The following MORC4 variants were observed in gnomAD, a reference collection of about 807,000 sequenced individuals.
MORC4 encodes MORC family CW-type zinc finger 4.
A neutral mutation model predicts 65.5 loss-of-function variants in MORC4; 22 were observed. The ratio of observed to expected loss-of-function variants is 0.34; its 90% CI spans 0.24 to 0.48. The LOEUF is 0.48. MORC4 is among the 20% of genes least tolerant of loss of function. MORC4 has a pLI of 0.99. For synonymous variants in MORC4, 267 were observed against 255.8 expected, an observed-to-expected ratio of 1.04 and a Z score of -0.42; for missense variants, 624 against 703.0, an observed-to-expected ratio of 0.89 and a Z score of 1.27.
chrX:106,991,887 GGAGT>G (rs779426558), intron 3 of MORC4, among the ~76,000 whole-genome samples: 93 of 111,558 alleles, frequency 8.3e-4, no homozygotes, highest in African/African-American at 2.9e-3. Flanking sequence ...CCTGGGTGAT[GGAGT>G]GAGACTCTGT....
intron 9 of MORC4, among the ~76,000 whole-genome samples, chrX:106,976,277 C>T (rs138685992): frequency 0.031 from 3,440 of 111,361 alleles, 137 homozygotes; most frequent in African/African-American, 0.11. Context: ...ACTTCAGATC[C>T]ATTCATCTGT....
intron 2 of MORC4, among the ~76,000 whole-genome samples, chrX:106,997,044 G>A (rs1935092758): frequency 8.9e-6 from 1 of 111,918 alleles, no homozygotes; most frequent in Admixed American, 9.4e-5. Context: ...ATTGCCAAGG[G>A]TGGAGCTACT....
chrX:106,981,267 AAAG>A (rs755355737), intron 6 of MORC4, 75 bp downstream of exon 6: 96 of 1,038,847 alleles, frequency 9.2e-5, no homozygotes, highest in South Asian at 1.4e-4. Flanking sequence ...TGTATAACTA[AAAG>A]AAGATCTTGT....
intron 9 of MORC4, among the ~76,000 whole-genome samples, chrX:106,966,191 G>A (rs1239396432): frequency 8.9e-6 from 1 of 112,276 alleles, no homozygotes; most frequent in African/African-American, 3.2e-5. Context: ...TTCACTGTCA[G>A]GAAAGTATGC....
intron 2 of MORC4, among the ~76,000 whole-genome samples, chrX:106,998,572 T>C (rs1362943273): frequency 8.9e-6 from 1 of 112,538 alleles, no homozygotes; most frequent in Non-Finnish European, 1.9e-5. Flanking sequence ...TGGATTGTAT[T>C]CCATTCTGCA....
At chrX:106,964,374 A>AGG (rs1934324764) in intron 9 of MORC4, among the ~76,000 whole-genome samples, 1 of 111,926 alleles carries the variant, frequency 8.9e-6, no homozygotes, top group Non-Finnish European at 1.9e-5. Context: ...AGTGAACAAA[A>AGG]ACTAAGGGAC....
At chrX:106,990,800 A>G (rs1934965767) in intron 3 of MORC4, among the ~76,000 whole-genome samples, 1 of 111,271 alleles carries the variant, frequency 9.0e-6, no homozygotes, top group Admixed American at 9.5e-5. Context: ...TGAACCCAGG[A>G]GGGGCAGGTT....
intron 2 of MORC4, 111 bp downstream of exon 2, chrX:106,999,565 AC>A: frequency 2.0e-6 from 1 of 491,210 alleles, no homozygotes; most frequent in Non-Finnish European, 2.8e-6. Context: ...CGAGGCCCCC[AC>A]CCCAGCCCCG....
chrX:106,957,810 C>T (rs972437842), intron 11 of MORC4, among the ~76,000 whole-genome samples: 1 of 111,614 alleles, frequency 9.0e-6, no homozygotes, highest in Non-Finnish European at 1.9e-5. Flanking sequence ...AGAACATCAT[C>T]GACTTGACCT....
chrX:106,969,324 C>T (rs1234802677), intron 9 of MORC4, among the ~76,000 whole-genome samples: 1 of 111,887 alleles, frequency 8.9e-6, no homozygotes, highest in Admixed American at 9.5e-5. Context: ...ACATTTAAAG[C>T]TGTCTGTAGA....
chrX:106,983,749 T>C (rs1934796166), intron 5 of MORC4, among the ~76,000 whole-genome samples: 1 of 108,641 alleles, frequency 9.2e-6, no homozygotes, highest in Non-Finnish European at 1.9e-5. Flanking sequence ...TCTCATTTTG[T>C]TGCCCAGGCT....
Position 106,986,053 on chromosome X carries a change from T to C in MORC4, c.456A>G (p.Ser152=). Residue 152 remains serine (S), a synonymous_variant, in exon 4 of 17, where the codon TCA becomes TCG. Coordinates refer to ENST00000355610, the MANE Select transcript of MORC4 (RefSeq NM_024657.5). Reference sequence around the variant, plus strand: ...CCTGGACACATTCCAGATAGGTCTGTGATAGAAGTCCAACAGTGAGAGTAC... The same window carrying C: ...CCTGGACACATTCCAGATAGGTCTGCGATAGAAGTCCAACAGTGAGAGTAC... ...NGGTLTVGLL[S]QTYLECVQAQ... is the part of the protein sequence containing the mutation. The C allele has an allele frequency of 8.3e-7, 1 of 1,211,158 alleles. No homozygotes were observed. The highest frequency in any genetic ancestry group is 1.1e-6 in the Non-Finnish European group (1 of 894,990).
intron 9 of MORC4, among the ~76,000 whole-genome samples, chrX:106,971,290 C>T (rs1934503858): frequency 8.9e-6 from 1 of 111,914 alleles, no homozygotes; most frequent in Non-Finnish European, 1.9e-5. Context: ...TGGACCACTT[C>T]CTTACACCTT....
At chrX:106,991,505 C>G (rs1185579189) in intron 3 of MORC4, among the ~76,000 whole-genome samples, 1 of 112,448 alleles carries the variant, frequency 8.9e-6, no homozygotes. Context: ...CCAAGTTTCA[C>G]AGATGTAGTC....
intron 14 of MORC4, among the ~76,000 whole-genome samples, chrX:106,949,756 C>CT (rs1933930157): frequency 8.9e-6 from 1 of 112,252 alleles, no homozygotes; most frequent in Non-Finnish European, 1.9e-5. Context: ...GATTTTTACC[C>CT]TTTTCCATTG....
At chrX:106,992,258 C>T (rs1369536665) in intron 3 of MORC4, among the ~76,000 whole-genome samples, 1 of 112,485 alleles carries the variant, frequency 8.9e-6, no homozygotes, top group African/African-American at 3.2e-5. Context: ...GATTTCCCTA[C>T]AAACAGAGTA....
At chrX:106,953,710 A>G (rs1934031845) in intron 14 of MORC4, among the ~76,000 whole-genome samples, 1 of 110,838 alleles carries the variant, frequency 9.0e-6, no homozygotes, top group East Asian at 2.8e-4. Flanking sequence ...CTGGTCTTGA[A>G]CTCAGAAACA....
intron 9 of MORC4, among the ~76,000 whole-genome samples, chrX:106,969,558 A>G (rs1361939301): frequency 8.9e-6 from 1 of 112,060 alleles, no homozygotes; most frequent in Non-Finnish European, 1.9e-5. Flanking sequence ...CGAAAAGAGC[A>G]ACGAAATAGA....
chrX:106,955,852 G>C (rs1166960416), intron 13 of MORC4, among the ~76,000 whole-genome samples: 1 of 111,398 alleles, frequency 9.0e-6, no homozygotes, highest in East Asian at 2.8e-4. Flanking sequence ...CTTGGAAAGA[G>C]GGTCAAGAGG....
Sources: gnomAD v4.1 joint callset for allele counts (sites outside exome capture counted in the v4.1 genomes callset) on GRCh38, gnomAD v4.1.1 for gene constraint, MANE v1.5 for transcripts, NCBI Gene and HGNC (gene_info 2026-07-23, HGNC 2026-07-21) for gene names.